The following ECM2 variants were observed in gnomAD, a reference collection of about 807,000 sequenced individuals.
ECM2 encodes extracellular matrix protein 2, female organ and adipocyte specific.
Under a neutral mutation model 67.5 loss-of-function variants are expected in ECM2, and 57 were observed. That is an observed-to-expected ratio of 0.84 (90% CI 0.68 to 1.05). ECM2 has a LOEUF of 1.05. Among genes scored for constraint, ECM2 ranks in the 50% least tolerant of loss-of-function variants. The pLI, the probability that ECM2 is intolerant of heterozygous loss-of-function variation, is 0.00. For missense variants in ECM2, 741 were observed against 822.8 expected, an observed-to-expected ratio of 0.90 and a Z score of 1.22; for synonymous variants, 258 against 294.5, an observed-to-expected ratio of 0.88 and a Z score of 1.27.
intron 1 of ECM2, among the ~76,000 whole-genome samples, chr9:92,533,822 T>C (rs1426800279): frequency 6.6e-6 from 1 of 152,180 alleles, no homozygotes; most frequent in East Asian, 1.9e-4. Flanking sequence ...CTTATAGATA[T>C]TTGTCCATTA....
chr9:92,494,590 G>A (rs567021163), downstream of ECM2, among the ~76,000 whole-genome samples: 1 of 152,226 alleles, frequency 6.6e-6, no homozygotes, highest in Non-Finnish European at 1.5e-5. Context: ...TACCTATTAA[G>A]AAAGTAGGCT....
At chr9:92,539,789 A>T (rs772795381), upstream of ECM2, among the ~76,000 whole-genome samples, 1 of 152,198 alleles carries the variant, frequency 6.6e-6, no homozygotes, top group Non-Finnish European at 1.5e-5. Flanking sequence ...TCCCAATGGA[A>T]TATTACATTT....
the ECM2 span, among the ~76,000 whole-genome samples, chr9:92,548,137 C>A: frequency 6.6e-6 from 1 of 152,144 alleles, no homozygotes; most frequent in Non-Finnish European, 1.5e-5. Flanking sequence ...GTCCAGATTG[C>A]TGCTGCATGT....
At chr9:92,555,214 ATTTTTTTTTTTTTTTTTTT>A in the ECM2 span, among the ~76,000 whole-genome samples, 4 of 63,440 alleles carry the variant, frequency 6.3e-5, no homozygotes, top group African/African-American at 8.3e-5. Flanking sequence ...TTTTTTGGAA[ATTTTTTTTTTTTTTTTTTT>A]TTTTTTTTTT....
intron 3 of ECM2, among the ~76,000 whole-genome samples, chr9:92,515,853 A>G (rs1384220472): frequency 6.6e-6 from 1 of 152,182 alleles, no homozygotes; most frequent in Admixed American, 6.5e-5. Flanking sequence ...TCTGGACTTA[A>G]GTGATGTTGC....
chr9:92,549,466 G>C, the ECM2 span, among the ~76,000 whole-genome samples: 1 of 152,112 alleles, frequency 6.6e-6, no homozygotes, highest in Non-Finnish European at 1.5e-5. Context: ...GGCCAATGTG[G>C]TGAAACACCG....
upstream of ECM2, among the ~76,000 whole-genome samples, chr9:92,538,621 T>G (rs1849244671): frequency 6.6e-6 from 1 of 152,198 alleles, no homozygotes; most frequent in Non-Finnish European, 1.5e-5. Flanking sequence ...GCTCTAAAAT[T>G]TTGTGGTTTA....
chr9:92,558,528 A>T, the ECM2 span, among the ~76,000 whole-genome samples: 1 of 152,104 alleles, frequency 6.6e-6, no homozygotes, highest in Non-Finnish European at 1.5e-5. Flanking sequence ...ACCAGTGCCT[A>T]TTCTGGTGGA....
chr9:92,525,720 A>G (rs946039452), intron 1 of ECM2, among the ~76,000 whole-genome samples: 1 of 151,884 alleles, frequency 6.6e-6, no homozygotes, highest in African/African-American at 2.4e-5. Context: ...GTGAAACCCC[A>G]TCTCTACTAA....
At chr9:92,516,431 A>G (rs1847727270) in intron 3 of ECM2, among the ~76,000 whole-genome samples, 1 of 152,108 alleles carries the variant, frequency 6.6e-6, no homozygotes, top group Admixed American at 6.5e-5. Context: ...TTTATTTAAC[A>G]CTATATATAA....
chr9:92,545,241 G>A, the ECM2 span, among the ~76,000 whole-genome samples: 5 of 152,140 alleles, frequency 3.3e-5, no homozygotes, highest in African/African-American at 4.8e-5. Flanking sequence ...GGCCGAGGCC[G>A]GAGCCGCTCA....
chr9:92,551,940 T>TGATATATATATGATATATATATG, the ECM2 span, among the ~76,000 whole-genome samples: 1 of 113,386 alleles, frequency 8.8e-6, no homozygotes, highest in Non-Finnish European at 1.8e-5. Context: ...TATATATATA[T>TGATATATATATGATATATATATG]ATATATATAT....
the ECM2 span, among the ~76,000 whole-genome samples, chr9:92,552,215 A>ACACC: frequency 1.0e-3 from 148 of 146,888 alleles, 4 homozygotes; most frequent in Middle Eastern, 3.5e-3. Context: ...ACACACACAC[A>ACACC]CCCCACAGTT....
intron 4 of ECM2, among the ~76,000 whole-genome samples, chr9:92,513,706 T>C (rs1847505231): frequency 6.6e-6 from 1 of 152,212 alleles, no homozygotes; most frequent in African/African-American, 2.4e-5. Flanking sequence ...ATTCCACTTA[T>C]GTGACACTCT....
At chr9:92,556,755 G>A in the ECM2 span, among the ~76,000 whole-genome samples, 61 of 152,226 alleles carry the variant, frequency 4.0e-4, no homozygotes, top group Non-Finnish European at 1.3e-4. Context: ...CCTGAAGGCA[G>A]CGGATAGTTG....
Position 92,495,369 on chromosome 9 carries a change from C to T in ECM2, c.*946G>A. 1 of 974,864 alleles carries T rather than the reference C, an allele frequency of 1.0e-6. No homozygotes were observed. The highest frequency in any genetic ancestry group is 4.8e-5 in the South Asian group (1 of 21,026). 60.4% of individuals were successfully genotyped at this position (974,864 alleles called of 1,614,324 possible). On this transcript the variant is annotated 3_prime_UTR_variant, in exon 10 of 10. Transcript: ENST00000344604. ...TGGTAGGGCCAATACATAGTAAAGA[C>T]ATAGCTTTATTTCAATTGAACCGAA...
chr9:92,516,581 A>T (rs1371460542), intron 3 of ECM2: 1 of 152,252 alleles, frequency 6.6e-6, no homozygotes, highest in Non-Finnish European at 1.5e-5. Context: ...AAAAGTTAGT[A>T]AAAGGAAACT....
At chr9:92,525,978 A>G (rs1848384108) in intron 1 of ECM2, among the ~76,000 whole-genome samples, 1 of 150,060 alleles carries the variant, frequency 6.7e-6, no homozygotes, top group Non-Finnish European at 1.5e-5. Flanking sequence ...TTACTGGTTT[A>G]TGTATTTACT....
the ECM2 span, among the ~76,000 whole-genome samples, chr9:92,545,613 C>G: frequency 6.6e-6 from 1 of 152,216 alleles, no homozygotes; most frequent in Non-Finnish European, 1.5e-5. Context: ...ACTGACCGCC[C>G]AAGGGCTGAG....
Sources: gnomAD v4.1 joint callset for allele counts (sites outside exome capture counted in the v4.1 genomes callset) on GRCh38, gnomAD v4.1.1 for gene constraint, MANE v1.5 for transcripts, NCBI Gene and HGNC (gene_info 2026-07-23, HGNC 2026-07-21) for gene names.